FHIT: variants seen among roughly 807,000 people sequenced by gnomAD.
FHIT encodes bis(5'-adenosyl)-triphosphatase.
Under a neutral mutation model 17.9 loss-of-function variants are expected in FHIT, and 19 were observed. That is an observed-to-expected ratio of 1.06 (90% confidence interval 0.74 to 1.56). The LOEUF is 1.56. Among genes scored for constraint, FHIT ranks in the 40% most tolerant of loss-of-function variants. The pLI, the probability that FHIT is intolerant of heterozygous loss-of-function variation, is 0.00. For synonymous variants in FHIT, 81 were observed against 69.7 expected, an observed-to-expected ratio of 1.16 and a Z score of -0.81; for missense variants, 248 against 189.2, an observed-to-expected ratio of 1.31 and a Z score of -1.82.
intron 4 of FHIT, among the ~76,000 whole-genome samples, chr3:60,667,907 C>A (rs1252348142): frequency 6.6e-6 from 1 of 151,880 alleles, no homozygotes; most frequent in Non-Finnish European, 1.5e-5. Flanking sequence ...TACCCCACTG[C>A]CTTGTGGGGC....
chr3:60,069,393 G>C (rs1266998930), intron 5 of FHIT, among the ~76,000 whole-genome samples: 1 of 152,060 alleles, frequency 6.6e-6, no homozygotes, highest in African/African-American at 2.4e-5. Flanking sequence ...CAAAACAAAT[G>C]GTTTAAAGTT....
At chr3:60,689,046 G>A (rs1444996709) in intron 4 of FHIT, among the ~76,000 whole-genome samples, 1 of 152,050 alleles carries the variant, frequency 6.6e-6, no homozygotes, top group African/African-American at 2.4e-5. Flanking sequence ...TTGAATCATG[G>A]GGGGTGGGTC....
intron 2 of FHIT, among the ~76,000 whole-genome samples, chr3:61,139,814 G>A (rs2037024592): frequency 6.6e-6 from 1 of 152,084 alleles, no homozygotes; most frequent in South Asian, 2.1e-4. Context: ...TACTTTAAGT[G>A]AATTTGAATA....
At chr3:60,286,116 T>C (rs971500814) in intron 5 of FHIT, among the ~76,000 whole-genome samples, 10 of 152,150 alleles carry the variant, frequency 6.6e-5, no homozygotes, top group Admixed American at 2.0e-4. Flanking sequence ...TGCATCCTAC[T>C]CTATTCTCTA....
At chr3:60,976,820 C>A (rs1261468867) in intron 3 of FHIT, among the ~76,000 whole-genome samples, 5 of 151,926 alleles carry the variant, frequency 3.3e-5, no homozygotes, top group African/African-American at 1.2e-4. Context: ...GCAGGGACAG[C>A]AAAGAAATGT....
At chr3:59,885,312 C>G (rs1703573932) in intron 8 of FHIT, among the ~76,000 whole-genome samples, 1 of 152,090 alleles carries the variant, frequency 6.6e-6, no homozygotes, top group Non-Finnish European at 1.5e-5. Flanking sequence ...CAGGAAGCAG[C>G]ATTGAGCACG....
intron 2 of FHIT, among the ~76,000 whole-genome samples, chr3:61,100,522 C>A (rs532422616): frequency 6.6e-6 from 1 of 152,230 alleles, no homozygotes; most frequent in Admixed American, 6.5e-5. Flanking sequence ...AATACACATA[C>A]ATGTGCATAT....
At position 60,409,949 on chromosome 3, in the gene FHIT, A is replaced by C. The variant is rs1047556706; in HGVS notation, c.103+126911T>G. ...CTTATAGGGTATTATAGATGAAGCA[A>C]GCTTCTAAATTCAACCTTAAATAAT... is the stretch of plus-strand genomic sequence containing the variant. On this transcript the variant is annotated intron_variant, in intron 5 of 9. Transcript: ENST00000492590. 2.6e-5 allele frequency among the ~76,000 whole-genome samples: 4 copies of C among 152,324 alleles called. No homozygotes were observed. In the East Asian group the frequency reaches 7.7e-4, roughly 29 times the overall value.
At chr3:60,314,765 G>A (rs967491494) in intron 5 of FHIT, among the ~76,000 whole-genome samples, 9 of 152,072 alleles carry the variant, frequency 5.9e-5, no homozygotes, top group African/African-American at 2.2e-4. Flanking sequence ...TGAGTAAGGT[G>A]GGGCCACTGA....
rs563270275 is a variant in FHIT at position 60,957,117 on chromosome 3, A to G, written c.-111+84930T>C. Reference sequence around the variant, plus strand: ...ATCAGATACTAAGCCGGGCAGAGATAATCATCATGTAGCTTTGTATGGGTT... The same window carrying G: ...ATCAGATACTAAGCCGGGCAGAGATGATCATCATGTAGCTTTGTATGGGTT... On this transcript the variant is annotated intron_variant, in intron 3 of 9. Transcript: ENST00000492590. Among the ~76,000 whole-genome samples, 193 of 152,312 alleles carry G rather than the reference A, an allele frequency of 1.3e-3. 1 individual carries two copies. Among genetic ancestry groups the G allele is most frequent in the Non-Finnish European group, 2.3e-3 (155 of 68,020 alleles).
intron 5 of FHIT, among the ~76,000 whole-genome samples, chr3:60,195,601 A>G: frequency 8.2e-6 from 1 of 122,316 alleles, no homozygotes; most frequent in Admixed American, 8.9e-5. Context: ...ATATAATTAT[A>G]TATATGTATA....
At chr3:61,028,898 A>G (rs2032869688) in intron 3 of FHIT, among the ~76,000 whole-genome samples, 1 of 151,176 alleles carries the variant, frequency 6.6e-6, no homozygotes, top group African/African-American at 2.4e-5. Context: ...ACAAAAAAAA[A>G]AAGAAAAAAA....
At chr3:59,979,095 A>G (rs765327123) in intron 7 of FHIT, among the ~76,000 whole-genome samples, 3 of 152,104 alleles carry the variant, frequency 2.0e-5, no homozygotes, top group Admixed American at 6.6e-5. Context: ...TTGGTTTCCT[A>G]TTGAACATCT....
chr3:61,057,339 G>C (rs1307748056), intron 2 of FHIT, among the ~76,000 whole-genome samples: 1 of 152,130 alleles, frequency 6.6e-6, no homozygotes, highest in African/African-American at 2.4e-5. Context: ...AGTTAACATT[G>C]GGGGTTCATA....
intron 4 of FHIT, among the ~76,000 whole-genome samples, chr3:60,752,818 G>A (rs561028157): frequency 7.9e-5 from 12 of 152,246 alleles, no homozygotes; most frequent in African/African-American, 2.6e-4. Context: ...AGATCCCACA[G>A]AGAGTTTCAT....
intron 8 of FHIT, among the ~76,000 whole-genome samples, chr3:59,839,850 C>G (rs946286459): frequency 1.3e-5 from 2 of 152,096 alleles, no homozygotes; most frequent in African/African-American, 4.8e-5. Flanking sequence ...CGGTTAAGTC[C>G]TGAACATTTT....
chr3:60,836,261 G>A (rs1702538004), intron 3 of FHIT, among the ~76,000 whole-genome samples: 1 of 151,992 alleles, frequency 6.6e-6, no homozygotes, highest in Non-Finnish European at 1.5e-5. Context: ...TGTTTTTTCT[G>A]TTTTTCATAT....
chr3:60,722,549 C>G (rs1334271963), intron 4 of FHIT, among the ~76,000 whole-genome samples: 1 of 152,046 alleles, frequency 6.6e-6, no homozygotes. Flanking sequence ...GAAGTGCTAT[C>G]CTGTGCACTG....
At chr3:60,742,152 G>A (rs1448025286) in intron 4 of FHIT, among the ~76,000 whole-genome samples, 7 of 152,168 alleles carry the variant, frequency 4.6e-5, no homozygotes, top group African/African-American at 1.7e-4. Context: ...GTCTTAGAAA[G>A]GACCACATGA....
Sources: gnomAD v4.1 joint callset for allele counts (sites outside exome capture counted in the v4.1 genomes callset) on GRCh38, gnomAD v4.1.1 for gene constraint, MANE v1.5 for transcripts, NCBI Gene and HGNC (gene_info 2026-07-23, HGNC 2026-07-21) for gene names.